The following GFUS variants were observed in gnomAD, a reference collection of about 807,000 sequenced individuals.
The protein encoded by GFUS is GDP-L-fucose synthase, also known as 3-5 epimerase/4-reductase.
Under a neutral mutation model 41.5 loss-of-function variants are expected in GFUS, and 42 were observed. The ratio of observed to expected loss-of-function variants is 1.01; its 90% confidence interval spans 0.79 to 1.31. The LOEUF is 1.31. Among genes scored for constraint, GFUS ranks in the 50% most tolerant of loss-of-function variants. The pLI, the probability that GFUS is intolerant of heterozygous loss-of-function variation, is 0.00. For missense variants in GFUS, 437 were observed against 428.7 expected (o/e 1.02, Z -0.17); for synonymous variants, 188 against 173.4 (o/e 1.08, Z -0.66).
rs2131412882 is a variant in GFUS at position 143,614,023 on chromosome 8, T to C, written c.663+141A>G. The C allele has an allele frequency of 4.8e-6, 6 of 1,238,122 alleles. No homozygotes were observed. The East Asian group carries it at 1.5e-4, about 31-fold the overall frequency. The allele number at this position is 1,238,122 out of a possible 1,614,324, so 76.7% of individuals were successfully genotyped here. On this transcript the variant is annotated intron_variant, in intron 7 of 10. Transcript: ENST00000425753. ...ATGGGGCCTCCACGAGGACCAGAGA[T>C]GGCTCCTCTTGGAGCTCAGCCCAGA...
chr8:143,617,812 G>GGGATGCCCGCGGCGTC (rs1271113859), upstream of GFUS: 1 of 152,230 alleles, frequency 6.6e-6, no homozygotes, highest in East Asian at 1.9e-4. Context: ...AGCGCCGCGC[G>GGGATGCCCGCGGCGTC]GGATGCCCGC....
chr8:143,617,988 A>G (rs761966393), upstream of GFUS: 13 of 152,252 alleles, frequency 8.5e-5, no homozygotes, highest in Non-Finnish European at 1.3e-4. Flanking sequence ...CGTCCCAAGC[A>G]CTTGCACTGT....
chr8:143,614,960 C>T (rs755256759), intron 3 of GFUS, 45 bp from the exon 4 acceptor site: 4 of 1,559,042 alleles, frequency 2.6e-6, no homozygotes, highest in Non-Finnish European at 3.5e-6. Flanking sequence ...CAGGCCAGAT[C>T]CCAGCCCTTA....
In GFUS at chr8:143,616,710, CATGT is replaced by C; in HGVS notation, c.-2_2del. 6.2e-7 allele frequency: 1 copy of C among 1,613,632 alleles called. No individual in the cohort carries two copies. The highest frequency in any genetic ancestry group is 8.5e-7 in the Non-Finnish European group (1 of 1,179,996). On this transcript the variant is annotated start_lost and 5_prime_UTR_variant, in exon 2 of 11. Coordinates refer to ENST00000425753, the MANE Select transcript of GFUS (RefSeq NM_003313.4). Reference sequence around the variant, plus strand: ...TCCGCATGGATCCCTGGGGTTCACCCATGTCAGTTGCACCTGTAATGTCAAACAG... The same window carrying C: ...TCCGCATGGATCCCTGGGGTTCACCCCAGTTGCACCTGTAATGTCAAACAG...
intron 10 of GFUS, 48 bp from the exon 11 acceptor site, chr8:143,613,013 G>T: frequency 2.5e-6 from 4 of 1,593,612 alleles, no homozygotes; most frequent in African/African-American, 2.7e-5. Flanking sequence ...GGTCGGGGCC[G>T]CATGGGAGGA....
chr8:143,613,242 C>G lies in GFUS; in HGVS notation c.864G>C (p.Lys288Asn). 1.2e-6 allele frequency: 2 copies of G among 1,614,094 alleles called. No individual in the cohort carries two copies. Among genetic ancestry groups the G allele is most frequent in the Non-Finnish European group, 1.7e-6 (2 of 1,179,994 alleles). ...GGAAGTCGGGCAGGTAGGTCCTCAG[C>G]TTGCTGTTACTGGCTGTCTTCTTAA... ...GQFKKTASNS[K>N]LRTYLPDFRF... is the part of the protein sequence containing the mutation. Residue 288 changes from lysine to asparagine, a missense_variant, in exon 10 of 11, where the codon AAG becomes AAC. Physicochemically the swap from Lys to Asn is moderately conservative, Grantham distance 94 (BLOSUM62 0). Transcript: ENST00000425753.
At chr8:143,613,365 C>T (rs1829627411) in intron 9 of GFUS, 70 bp from the exon 10 acceptor site, 1 of 1,535,694 alleles carries the variant, frequency 6.5e-7, no homozygotes, top group East Asian at 2.3e-5. Flanking sequence ...GCCCTTGAAC[C>T]TCTGCCATTC....
At chr8:143,617,033 C>A in intron 1 of GFUS, 1 of 375,456 alleles carries the variant, frequency 2.7e-6, no homozygotes, top group South Asian at 3.9e-5. Context: ...GGGAGGCAGA[C>A]AACCTTGGGA....
rs780554070 is a variant in GFUS at position 143,616,567 on chromosome 8, G to A, written c.146C>T (p.Thr49Met). Residue 49 changes from threonine (T) to methionine (M), a missense_variant and splice_region_variant, in exon 2 of 11, where the codon ACG becomes ATG. Transcript: ENST00000425753. ...VFVSSKDADLTDTAQTRALFE... is the reference protein window; with the variant it reads ...VFVSSKDADLMDTAQTRALFE... ...CTGATCTGGGGATGGGCTCACTCAC[G>A]TGAGATCGGCGTCTTTAGAGGAGAC... The A allele has an allele frequency of 1.5e-5, 25 of 1,613,692 alleles. No individual in the cohort carries two copies. Among genetic ancestry groups the A allele is most frequent in the East Asian group, 2.2e-5 (1 of 44,896 alleles).
Position 143,613,797 on chromosome 8 carries a change from G to A in GFUS, c.684C>T (p.Ile228=). Residue 228 remains isoleucine (I), a synonymous_variant, in exon 8 of 11, where the codon ATC becomes ATT. Transcript: ENST00000425753. ...CTTCATTGTACTCCCGCAGGACCCAGATAAAGAGCTGGGCCAGGTCCTAGA... is the reference window on the plus strand; with the variant it reads ...CTTCATTGTACTCCCGCAGGACCCAAATAAAGAGCTGGGCCAGGTCCTAGA... ...IYSLDLAQLF[I]WVLREYNEVE... 6.4e-7 allele frequency: 1 copy of A among 1,550,874 alleles called. No homozygotes were observed. The highest frequency in any genetic ancestry group is 1.4e-5 in the African/African-American group (1 of 73,156).
Position 143,614,784 on chromosome 8 carries a change from C to T in GFUS, c.390+3G>A, listed in dbSNP as rs758946699. On this transcript the variant is annotated splice_donor_region_variant and intron_variant, in intron 4 of 10. Coordinates refer to ENST00000425753, the MANE Select transcript of GFUS (RefSeq NM_003313.4). Reference sequence around the variant, plus strand: ...CCACCCACAGCCAGGCCCTGCCCCTCACCATGGTCTCATCTATCGGGTAGG... The same window carrying T: ...CCACCCACAGCCAGGCCCTGCCCCTTACCATGGTCTCATCTATCGGGTAGG... 8 of 1,613,544 alleles carry T rather than the reference C, an allele frequency of 5.0e-6. No individual in the cohort carries two copies. In the African/African-American group the frequency reaches 8.0e-5, roughly 16 times the overall value.
Position 143,614,399 on chromosome 8 carries a change from G to C in GFUS, c.519C>G (p.Val173=). 1 of 1,614,008 alleles carries C rather than the reference G, an allele frequency of 6.2e-7. No individual in the cohort carries two copies. Among genetic ancestry groups the C allele is most frequent in the Non-Finnish European group, 8.5e-7 (1 of 1,179,998 alleles). Residue 173 remains valine, a synonymous_variant, in exon 6 of 11, where the codon GTC becomes GTG. Coordinates refer to ENST00000425753, the MANE Select transcript of GFUS (RefSeq NM_003313.4). The part of the protein sequence containing the change: ...CTFTAVIPTN[V]FGPHDNFNIE... Reference sequence around the variant, plus strand: ...TGTTGAAGTTGTCGTGGGGCCCGAAGACGTTGGTGGGGATGACAGCGGTGA... The same window carrying C: ...TGTTGAAGTTGTCGTGGGGCCCGAACACGTTGGTGGGGATGACAGCGGTGA...
Position 143,616,647 on chromosome 8 carries a change from G to A in GFUS, c.66C>T (p.Ala22=), listed in dbSNP as rs1829734477. Residue 22 remains alanine (A), a synonymous_variant, in exon 2 of 11, where the codon GCC becomes GCT. Coordinates refer to ENST00000425753, the MANE Select transcript of GFUS (RefSeq NM_003313.4). The part of the protein sequence containing the change: ...VTGGSGLVGK[A]IQKVVADGAG... ...CTCCATCTGCTACCACCTTCTGGAT[G>A]GCTTTGCCTACCAGCCCAGAGCCCC... 6.2e-7 allele frequency: 1 copy of A among 1,613,890 alleles called. No homozygotes were observed. Among genetic ancestry groups the A allele is most frequent in the African/African-American group, 1.3e-5 (1 of 75,036 alleles).
In GFUS at chr8:143,613,517, A is replaced by G. The variant is rs1829633128; in HGVS notation, c.810+7T>C. The G allele has an allele frequency of 6.2e-7, 1 of 1,610,300 alleles. No individual in the cohort carries two copies. Among genetic ancestry groups the G allele is most frequent in the Non-Finnish European group, 8.5e-7 (1 of 1,179,560 alleles). ...GCCCAACCCCCAGCACTGGAGCCAG[A>G]GGATACGGTGACTTCCCCATGGAAG... On this transcript the variant is annotated splice_region_variant and intron_variant, in intron 9 of 10. Transcript: ENST00000425753.
rs2131410661 is a variant in GFUS, at chr8:143,613,035, G to A, written c.911-70C>T. The A allele has an allele frequency of 5.0e-6, 8 of 1,584,234 alleles. No homozygotes were observed. In the South Asian group the frequency reaches 6.7e-5, roughly 13 times the overall value. On this transcript the variant is annotated intron_variant, in intron 10 of 10. Coordinates refer to ENST00000425753, the MANE Select transcript of GFUS (RefSeq NM_003313.4). ...GCCGCATGGGAGGAAGTGGGGGGAG[G>A]AGGCCCAGGGACAGGGAAGTCACCC...
Position 143,617,042 on chromosome 8 carries a change from G to T in GFUS, c.-11-319C>A, listed in dbSNP as rs1587308236. 1.1e-5 allele frequency: 4 copies of T among 361,748 alleles called. No homozygotes were observed. The East Asian group carries it at 1.5e-4, about 13-fold the overall frequency. The allele number at this position is 361,748 out of a possible 1,614,324, so 22.4% of individuals were successfully genotyped here. A position where few individuals can be genotyped will look rare whatever the true frequency, so the allele number is the denominator to read the frequency against. The stretch of plus-strand genomic sequence containing the variant: ...CAAGAGGGGAGGCAGACAACCTTGG[G>T]ACGGGGGCTCCTGGCACAGGTCGTT... On this transcript the variant is annotated intron_variant, in intron 1 of 10. Transcript: ENST00000425753.
rs917024501 is a variant in GFUS, at chr8:143,612,679, C to T, written c.*231G>A. 1.5e-5 allele frequency: 9 copies of T among 604,730 alleles called. No homozygotes were observed. The highest frequency in any genetic ancestry group is 8.2e-5 in the East Asian group (3 of 36,380). The allele number at this position is 604,730 out of a possible 1,614,324, so 37.5% of individuals were successfully genotyped here. ...GGGATGCAGGATCAGAGTGGACACG[C>T]GCAGGGGGCTGGTGTGGGGAGCAAA... On this transcript the variant is annotated 3_prime_UTR_variant, in exon 11 of 11. Transcript: ENST00000425753.
At position 143,616,673 on chromosome 8, in the gene GFUS, C is replaced by G. The variant is rs1554602250; in HGVS notation, c.40G>C (p.Gly14Arg). 1.2e-6 allele frequency: 2 copies of G among 1,613,624 alleles called. No homozygotes were observed. Among genetic ancestry groups the G allele is most frequent in the Admixed American group, 1.7e-5 (1 of 59,984 alleles). ...GCTTTGCCTACCAGCCCAGAGCCCC[C>G]TGTCACTAGAATCCGCATGGATCCC... ...PQGSMRILVT[G>R]GSGLVGKAIQ... The change falls in exon 2 of 11, where the codon GGG becomes CGG. Residue 14 changes from glycine (G) to arginine (R), a missense_variant. By Grantham distance (125) the Gly-to-Arg change is moderately radical. Transcript: ENST00000425753.
intron 10 of GFUS, 66 bp from the exon 11 acceptor site, chr8:143,613,031 G>A (rs976340315): frequency 1.9e-6 from 3 of 1,586,858 alleles, no homozygotes; most frequent in Non-Finnish European, 2.6e-6. Flanking sequence ...GGAAGTGGGG[G>A]GAGGAGGCCC....
Sources: allele counts gnomAD v4.1 joint callset, GRCh38; gene constraint gnomAD v4.1.1; transcripts MANE v1.5; gene names NCBI Gene and HGNC (gene_info 2026-07-23, HGNC 2026-07-21).